The following C11orf21 variants were observed in gnomAD, a reference collection of about 807,000 sequenced individuals.
C11orf21 encodes uncharacterized protein C11orf21.
A neutral mutation model predicts 15.2 loss-of-function variants in C11orf21; 19 were observed. The ratio of observed to expected loss-of-function variants is 1.25; its 90% CI spans 0.87 to 1.84. The LOEUF is 1.84. C11orf21 is among the 40% of genes most tolerant of loss of function. The pLI, the probability that C11orf21 is intolerant of heterozygous loss-of-function variation, is 0.00. For synonymous variants in C11orf21, 62 were observed against 66.8 expected (o/e 0.93, Z 0.35); for missense variants, 171 against 174.4 (o/e 0.98, Z 0.11).
chr11:2,300,478 G>GC, intron 2 of C11orf21, 42 bp downstream of exon 2: 1 of 1,332,390 alleles, frequency 7.5e-7, no homozygotes. Context: ...CCGGCTCCCT[G>GC]CCCCCGCTGG....
Position 2,301,836 on chromosome 11 carries a change from A to G in C11orf21, c.-28T>C, listed in dbSNP as rs1248146530. ...CTTTCCCCCTCTCAGCGCCGTCCTC[A>G]GTGGCCACACCAAGAACGAGGCCAT... is the stretch of plus-strand genomic sequence containing the variant. On this transcript the variant is annotated 5_prime_UTR_variant, in exon 1 of 4. Coordinates refer to ENST00000381153, the MANE Select transcript of C11orf21 (RefSeq NM_001329958.2). 9 of 1,550,676 alleles carry G rather than the reference A, an allele frequency of 5.8e-6. No homozygotes were observed. Among genetic ancestry groups the G allele is most frequent in the Middle Eastern group, 1.7e-4 (1 of 5,986 alleles).
chr11:2,299,544 C>T lies in C11orf21; in HGVS notation c.311G>A (p.Arg104Gln), dbSNP rs187379934. 1.0e-4 allele frequency: 158 copies of T among 1,550,694 alleles called. No homozygotes were observed. The Middle Eastern group carries it at 2.2e-3, about 21-fold the overall frequency. ...SLPGQLPLAI[R>Q]LGWDLDLEAG... ...TTCTAAGTCCAAGTCCCATCCCAGC[C>T]GGATAGCCAGGGGCAACTGCCCAGG... Residue 104 changes from arginine (R) to glutamine (Q), a missense_variant, in exon 3 of 4, where the codon CGG (arginine) becomes CAG (glutamine). By Grantham distance (43) the Arg-to-Gln change is conservative (BLOSUM62 1). Transcript: ENST00000381153.
At chr11:2,300,366 G>T (rs1009708820) in intron 2 of C11orf21, among the ~76,000 whole-genome samples, 154 bp downstream of exon 2, 1 of 144,740 alleles carries the variant, frequency 6.9e-6, no homozygotes, top group Non-Finnish European at 1.5e-5. Context: ...TGTGGGGTGG[G>T]CAGCAGCCTG....
Position 2,298,422 on chromosome 11 carries a change from C to T in C11orf21, c.*29-501G>A, listed in dbSNP as rs563538957. On this transcript the variant is annotated intron_variant, in intron 3 of 3. Coordinates refer to ENST00000381153, the MANE Select transcript of C11orf21 (RefSeq NM_001329958.2). ...TCTTCATCAAGGGCTAAATAAAGCACGCTGACCACCAGGAATGGGGCAGGA... is the reference window on the plus strand; with the variant it reads ...TCTTCATCAAGGGCTAAATAAAGCATGCTGACCACCAGGAATGGGGCAGGA... Among the ~76,000 whole-genome samples the T allele has an allele frequency of 7.2e-5, 11 of 152,352 alleles. No individual in the cohort carries two copies. The East Asian group carries it at 1.2e-3, about 16-fold the overall frequency.
chr11:2,302,945 T>A, upstream of C11orf21: 1 of 1,613,426 alleles, frequency 6.2e-7, no homozygotes, highest in Non-Finnish European at 8.5e-7. Context: ...CGTACCAGGC[T>A]GTGCACCAAT....
At chr11:2,301,162 C>G (rs1217111585) in intron 1 of C11orf21, 2 of 266,714 alleles carry the variant, frequency 7.5e-6, no homozygotes, top group Non-Finnish European at 1.5e-5. Context: ...CGGGCGGCAG[C>G]TGGGCCCTCT....
chr11:2,302,166 G>A (rs148861275), upstream of C11orf21: 1,466 of 1,425,956 alleles, frequency 1.0e-3, 2 homozygotes, highest in Non-Finnish European at 1.2e-3. Context: ...CCTTGGAGTC[G>A]AGTCAGGGTT....
In C11orf21 at chr11:2,297,888, G is replaced by A. The variant is rs1847566134; in HGVS notation, c.*62C>T. The A allele has an allele frequency of 6.6e-6, 1 of 152,250 alleles. No homozygotes were observed. The highest frequency in any genetic ancestry group is 6.5e-5 in the Admixed American group (1 of 15,278). 9.4% of individuals were successfully genotyped at this position (152,250 alleles called of 1,614,324 possible). ...AGGGCTCTCTTCCTGGCTTACAGATGGCTGCCTTCTCTCTGTGTCTTCATA... is the reference window on the plus strand; with the variant it reads ...AGGGCTCTCTTCCTGGCTTACAGATAGCTGCCTTCTCTCTGTGTCTTCATA... On this transcript the variant is annotated 3_prime_UTR_variant, in exon 4 of 4. Coordinates refer to ENST00000381153, the MANE Select transcript of C11orf21 (RefSeq NM_001329958.2).
chr11:2,300,522 G>A lies in C11orf21; in HGVS notation c.145C>T (p.Gln49Ter), dbSNP rs1017515875. Residue 49 changes from glutamine (Q) to a stop codon, truncating the protein, a stop_gained and splice_region_variant, in exon 2 of 4, where the codon CAG (glutamine) becomes TAG (stop). Coordinates refer to ENST00000381153, the MANE Select transcript of C11orf21 (RefSeq NM_001329958.2). LOFTEE classifies it high-confidence loss of function. ...AGTGAGGGGGGCTGTGGTCAGACCTGGTCTCTGGAGGGCCAGCCGGGGGTT... is the reference window on the plus strand; with the variant it reads ...AGTGAGGGGGGCTGTGGTCAGACCTAGTCTCTGGAGGGCCAGCCGGGGGTT... ...TGTPGWPSRD[Q>*]EAPGSMMPPA... is the part of the protein sequence containing the mutation. The A allele has an allele frequency of 4.5e-6, 7 of 1,546,636 alleles. No homozygotes were observed. The highest frequency in any genetic ancestry group is 4.1e-5 in the African/African-American group (3 of 72,754).
chr11:2,299,049 G>T (rs1236567273), intron 3 of C11orf21, among the ~76,000 whole-genome samples: 2 of 152,176 alleles, frequency 1.3e-5, no homozygotes, highest in East Asian at 3.9e-4. Context: ...GTTTGAGTAT[G>T]GTCTTGGCTC....
At chr11:2,301,071 T>G in intron 1 of C11orf21, 1 of 390,994 alleles carries the variant, frequency 2.6e-6, no homozygotes, top group Non-Finnish European at 4.7e-6. Context: ...GTCCTGGTTG[T>G]CCCTCCTGGT....
chr11:2,302,481 G>A (rs1382645262), upstream of C11orf21, among the ~76,000 whole-genome samples: 1 of 152,152 alleles, frequency 6.6e-6, no homozygotes. Context: ...GCGAGCTGGG[G>A]TGGAGGGGCA....
In C11orf21 at chr11:2,296,609, G is replaced by A. The variant is rs1488833675; in HGVS notation, c.*1341C>T. On this transcript the variant is annotated 3_prime_UTR_variant, in exon 4 of 4. Transcript: ENST00000381153. The surrounding 1 kb of genome is among the most constrained non-coding windows in gnomAD (Gnocchi z 5.6). ...TGTAAATTTGTAGGAGTATGGCAAGGTCCTTCCTCAGGGGCACCCAGTCCT... is the reference window on the plus strand; with the variant it reads ...TGTAAATTTGTAGGAGTATGGCAAGATCCTTCCTCAGGGGCACCCAGTCCT... 1 of 152,242 alleles carries A rather than the reference G, an allele frequency of 6.6e-6. No homozygotes were observed. The highest frequency in any genetic ancestry group is 2.4e-5 in the African/African-American group (1 of 41,438). 9.4% of individuals were successfully genotyped at this position (152,242 alleles called of 1,614,324 possible).
At chr11:2,300,709 G>A (rs555638562) in intron 1 of C11orf21, 96 bp from the exon 2 acceptor site, 4 of 1,550,978 alleles carry the variant, frequency 2.6e-6, no homozygotes, top group East Asian at 2.4e-5. Flanking sequence ...CCCAGAAGCG[G>A]GTGGTGCTCC....
upstream of C11orf21, chr11:2,302,667 G>C (rs981892478): frequency 9.9e-6 from 6 of 608,604 alleles, no homozygotes; most frequent in Admixed American, 5.6e-5. Flanking sequence ...GTGCTGGGGC[G>C]TCTGCAGTGA....
chr11:2,297,842 C>A lies in C11orf21; in HGVS notation c.*108G>T, dbSNP rs1478032355. 4.6e-5 allele frequency: 7 copies of A among 152,290 alleles called. No individual in the cohort carries two copies. The highest frequency in any genetic ancestry group is 8.8e-5 in the Non-Finnish European group (6 of 68,102). The allele number at this position is 152,290 out of a possible 1,614,324, so 9.4% of individuals were successfully genotyped here. On this transcript the variant is annotated 3_prime_UTR_variant, in exon 4 of 4. Coordinates refer to ENST00000381153, the MANE Select transcript of C11orf21 (RefSeq NM_001329958.2). ...AGGCTGGAAGTCCAATATCAAGGTG[C>A]TGCTGATTCCAGTCTTGGTGAGGGC...
intron 2 of C11orf21, 33 bp downstream of exon 2, chr11:2,300,487 G>A (rs774301522): frequency 2.1e-6 from 3 of 1,406,216 alleles, no homozygotes; most frequent in Non-Finnish European, 1.9e-6. Context: ...TGCCCCCGCT[G>A]GTGGGGCACA....
chr11:2,299,666 G>C lies in C11orf21; in HGVS notation c.189C>G (p.Pro63=). Residue 63 remains proline, a synonymous_variant, in exon 3 of 4, where the codon CCC becomes CCG. Coordinates refer to ENST00000381153, the MANE Select transcript of C11orf21 (RefSeq NM_001329958.2). ...GSMMPPAAAQ[P]SAHGALVPPA... ...GTGGAACAAGGGCACCATGGGCGGAGGGTTGGGCAGCTGCAGGTGGCATCA... is the reference window on the plus strand; with the variant it reads ...GTGGAACAAGGGCACCATGGGCGGACGGTTGGGCAGCTGCAGGTGGCATCA... The C allele has an allele frequency of 6.4e-7, 1 of 1,551,168 alleles. No individual in the cohort carries two copies. Among genetic ancestry groups the C allele is most frequent in the South Asian group, 1.2e-5 (1 of 84,062 alleles).
intron 1 of C11orf21, 68 bp from the exon 2 acceptor site, chr11:2,300,681 G>T: frequency 6.5e-7 from 1 of 1,550,110 alleles, no homozygotes; most frequent in Admixed American, 2.0e-5. Flanking sequence ...AAATTCTTCA[G>T]ACCTGATGAA....
Sources: allele counts gnomAD v4.1 joint callset (sites outside exome capture counted in the v4.1 genomes callset), GRCh38; gene constraint gnomAD v4.1.1; non-coding constraint Gnocchi (gnomAD v3.1); transcripts MANE v1.5; gene names NCBI Gene and HGNC (gene_info 2026-07-23, HGNC 2026-07-21).